Variants in RO60 observed in about 807,000 individuals in gnomAD.
RO60 encodes the protein Ro60, Y RNA binding protein.
In RO60, 20 loss-of-function variants were observed where a neutral mutation model predicts 55.3. The observed-to-expected ratio is 0.36, with a 90% CI of 0.25 to 0.53. The LOEUF is 0.53. Ranked by LOEUF, RO60 falls within the 20% of genes least tolerant of loss-of-function variation. The pLI is 0.92. For missense variants in RO60, 558 were observed against 646.6 expected (o/e 0.86, Z 1.49); for synonymous variants, 213 against 213.6 (o/e 1.00, Z 0.02).
At position 193,076,526 on chromosome 1, in the gene RO60, T is replaced by C; in HGVS notation, c.827T>C (p.Met276Thr). Residue 276 changes from methionine (M) to threonine (T), a missense_variant, in exon 4 of 9, where the codon ATG (methionine) becomes ACG (threonine). Transcript: ENST00000400968. ...KEVWKALLQE[M>T]PLTALLRNLG... ...GTATGGAAGGCTTTGTTACAAGAAA[T>C]GCCGCTTACTGCATTACTAAGGAAT... 6.2e-7 allele frequency: 1 copy of C among 1,611,468 alleles called. No individual in the cohort carries two copies. Among genetic ancestry groups the C allele is most frequent in the Non-Finnish European group, 8.5e-7 (1 of 1,179,116 alleles).
At chr1:193,072,371 G>A (rs1673574678) in intron 2 of RO60, among the ~76,000 whole-genome samples, 1 of 152,102 alleles carries the variant, frequency 6.6e-6, no homozygotes, top group Non-Finnish European at 1.5e-5. Context: ...GTTCATATTA[G>A]AGGAGTTGAT....
Position 193,076,531 on chromosome 1 carries a change from C to CT in RO60, c.834dup (p.Thr279TyrfsTer13). On this transcript the variant is annotated frameshift_variant, in exon 4 of 9. Transcript: ENST00000400968. LOFTEE classifies it high-confidence loss of function. ...GAAGGCTTTGTTACAAGAAATGCCGCTTACTGCATTACTAAGGAATCTAGG... is the reference window on the plus strand; with the variant it reads ...GAAGGCTTTGTTACAAGAAATGCCGCTTTACTGCATTACTAAGGAATCTAGG... 6.2e-7 allele frequency: 1 copy of CT among 1,611,596 alleles called. No individual in the cohort carries two copies.
Position 193,059,992 on chromosome 1 carries a change from G to A in RO60, c.-22+216G>A, listed in dbSNP as rs777984168. On this transcript the variant is annotated intron_variant, in intron 1 of 8. Transcript: ENST00000400968. The surrounding 1 kb of genome is among the most constrained non-coding windows in gnomAD (Gnocchi z 4.9). ...AGGGACATCCTCGCTAGGCCCGGCC[G>A]GACCATTCCTCAGGGTGGGCCCTTT... 4.4e-6 allele frequency: 6 copies of A among 1,365,912 alleles called. No homozygotes were observed. The highest frequency in any genetic ancestry group is 1.1e-5 in the South Asian group (1 of 87,994). 84.6% of individuals were successfully genotyped at this position (1,365,912 alleles called of 1,614,324 possible).
chr1:193,076,750 C>T, intron 4 of RO60, 103 bp downstream of exon 4: 2 of 1,366,144 alleles, frequency 1.5e-6, no homozygotes, highest in Non-Finnish European at 2.0e-6. Context: ...TCGAGATGTT[C>T]ATTATACCAA....
At chr1:193,078,053 C>T (rs1674052461) in intron 5 of RO60, among the ~76,000 whole-genome samples, 1 of 152,126 alleles carries the variant, frequency 6.6e-6, no homozygotes, top group African/African-American at 2.4e-5. Context: ...GGATTACATA[C>T]TATAACCAAG....
chr1:193,068,088 T>C (rs1267101751), intron 1 of RO60, among the ~76,000 whole-genome samples: 1 of 152,160 alleles, frequency 6.6e-6, no homozygotes, highest in East Asian at 1.9e-4. Flanking sequence ...AGCCCCCTTT[T>C]AAGACTGAAG....
chr1:193,072,744 G>A (rs182391679), intron 2 of RO60, among the ~76,000 whole-genome samples: 16 of 152,236 alleles, frequency 1.1e-4, no homozygotes, highest in African/African-American at 3.6e-4. Context: ...GAGAAAGACC[G>A]CCCATTACTA....
At chr1:193,074,516 T>C (rs1182823282) in intron 2 of RO60, among the ~76,000 whole-genome samples, 2 of 152,246 alleles carry the variant, frequency 1.3e-5, no homozygotes, top group Non-Finnish European at 2.9e-5. Context: ...CATATGTCTT[T>C]TGGCTGCATA....
intron 1 of RO60, among the ~76,000 whole-genome samples, chr1:193,061,317 T>C (rs944158365): frequency 1.3e-5 from 2 of 152,226 alleles, no homozygotes; most frequent in African/African-American, 2.4e-5. Context: ...ACCTCTATCA[T>C]GGGCCCAATT....
chr1:193,091,396 T>G (rs937245942), downstream of RO60: 13 of 345,966 alleles, frequency 3.8e-5, no homozygotes, highest in South Asian at 8.0e-4. Flanking sequence ...CTTAAAGTTA[T>G]GTAAAATCTG....
intron 5 of RO60, among the ~76,000 whole-genome samples, chr1:193,079,236 C>T (rs568470504): frequency 5.9e-5 from 9 of 152,066 alleles, no homozygotes; most frequent in South Asian, 2.1e-4. Flanking sequence ...TACAGGCATG[C>T]GCCACCACAC....
chr1:193,062,090 G>A (rs911310921), intron 1 of RO60, among the ~76,000 whole-genome samples: 1 of 152,036 alleles, frequency 6.6e-6, no homozygotes, highest in Admixed American at 6.6e-5. Context: ...GTTGTATGGT[G>A]TGTTTTAAGA....
chr1:193,071,791 A>G (rs1356038579), intron 2 of RO60, among the ~76,000 whole-genome samples: 1 of 148,350 alleles, frequency 6.7e-6, no homozygotes, highest in East Asian at 1.9e-4. Context: ...ATGTTAGTAT[A>G]TAGTATAGTA....
rs1276985824 is a variant in RO60, at chr1:193,069,357, G to A, written c.303G>A (p.Gln101=). The A allele has an allele frequency of 7.4e-6, 12 of 1,614,182 alleles. No individual in the cohort carries two copies. The highest frequency in any genetic ancestry group is 9.3e-6 in the Non-Finnish European group (11 of 1,180,026). ...PMLFALAICS[Q]CSDISTKQAA... is the part of the protein sequence containing the mutation. Reference sequence around the variant, plus strand: ...TCTTTGCACTTGCCATTTGTTCCCAGTGCTCCGACATAAGCACAAAACAAG... The same window carrying A: ...TCTTTGCACTTGCCATTTGTTCCCAATGCTCCGACATAAGCACAAAACAAG... The change falls in exon 2 of 9, where the codon CAG becomes CAA. Residue 101 remains glutamine (Q), a synonymous_variant. Transcript: ENST00000400968.
In RO60 at chr1:193,069,640, C is replaced by T. The variant is rs758037799; in HGVS notation, c.580+6C>T. The T allele has an allele frequency of 1.0e-5, 16 of 1,591,114 alleles. No individual in the cohort carries two copies. The highest frequency in any genetic ancestry group is 1.4e-5 in the Non-Finnish European group (16 of 1,164,028). ...TCTTAAACCTTCCAGTGAAGGTAAG[C>T]ATAAGATCTTCATTGGGAAGAAGGG... On this transcript the variant is annotated splice_donor_region_variant and intron_variant, in intron 2 of 8. Coordinates refer to ENST00000400968, the MANE Select transcript of RO60 (RefSeq NM_001173524.2).
intron 2 of RO60, 30 bp from the exon 3 acceptor site, chr1:193,075,789 CA>C (rs759782035): frequency 1.3e-6 from 2 of 1,499,470 alleles, no homozygotes; most frequent in African/African-American, 2.8e-5. Context: ...GGTAATCCTG[CA>C]TGCTTTTTCA....
chr1:193,081,182 T>G (rs1307859433), intron 5 of RO60, among the ~76,000 whole-genome samples, 182 bp from the exon 6 acceptor site: 1 of 152,190 alleles, frequency 6.6e-6, no homozygotes, highest in African/African-American at 2.4e-5. Flanking sequence ...TTATTTTTTT[T>G]TAATTTTCAG....
chr1:193,085,015 GAAT>G lies in RO60; in HGVS notation c.*289_*291del, dbSNP rs1225311570. On this transcript the variant is annotated 3_prime_UTR_variant, in exon 9 of 9. Coordinates refer to ENST00000400968, the MANE Select transcript of RO60 (RefSeq NM_001173524.2). ...CACTGTAAAATAGTTTTGCTTTGTT[GAAT>G]AATACGTGTGTACCTAAAAGAGGTA... is the stretch of plus-strand genomic sequence containing the variant. 6 of 1,543,874 alleles carry G rather than the reference GAAT, an allele frequency of 3.9e-6. No homozygotes were observed. In the Admixed American group the frequency reaches 1.0e-4, roughly 26 times the overall value.
chr1:193,067,454 G>A (rs1040275304), intron 1 of RO60, among the ~76,000 whole-genome samples: 1 of 151,904 alleles, frequency 6.6e-6, no homozygotes, highest in African/African-American at 2.4e-5. Context: ...CAAAGTGCTG[G>A]GATTACAGGC....
Sources: allele counts gnomAD v4.1 joint callset (sites outside exome capture counted in the v4.1 genomes callset), GRCh38; gene constraint gnomAD v4.1.1; non-coding constraint Gnocchi (gnomAD v3.1); transcripts MANE v1.5; gene names NCBI Gene and HGNC (gene_info 2026-07-23, HGNC 2026-07-21).